Variants in CCSER2 observed in about 807,000 individuals in gnomAD.
The protein encoded by CCSER2 is serine-rich coiled-coil domain-containing protein 2.
Under a neutral mutation model 92.3 loss-of-function variants are expected in CCSER2, and 46 were observed. The observed-to-expected ratio is 0.50, with a 90% confidence interval of 0.39 to 0.64. The LOEUF is 0.64. Among genes scored for constraint, CCSER2 ranks in the 30% least tolerant of loss-of-function variants. The pLI is 0.00. For missense variants in CCSER2, 1,244 were observed against 1,238.9 expected, an observed-to-expected ratio of 1.00 and a Z score of -0.06; for synonymous variants, 433 against 431.4, an observed-to-expected ratio of 1.00 and a Z score of -0.04.
intron 9 of CCSER2, among the ~76,000 whole-genome samples, chr10:84,497,497 G>C (rs2131827740): frequency 6.6e-6 from 1 of 152,256 alleles, no homozygotes; most frequent in African/African-American, 2.4e-5. Context: ...GTTGGTCTTG[G>C]GGAAATAAAG....
intron 1 of CCSER2, among the ~76,000 whole-genome samples, chr10:84,348,678 A>G (rs890711822): frequency 4.6e-5 from 7 of 152,144 alleles, no homozygotes; most frequent in Admixed American, 2.0e-4. Flanking sequence ...AGGTGAGTTT[A>G]AAGGAATTTG....
chr10:84,330,769 G>C (rs1843522605), intron 1 of CCSER2, among the ~76,000 whole-genome samples: 1 of 152,098 alleles, frequency 6.6e-6, no homozygotes, highest in Non-Finnish European at 1.5e-5. Flanking sequence ...GCCTCCCAAA[G>C]TGCTGGGATT....
At chr10:84,498,452 T>C (rs12049645) in intron 9 of CCSER2, among the ~76,000 whole-genome samples, 53,861 of 151,442 alleles carry the variant, frequency 0.36, 11,392 homozygotes, top group East Asian at 0.5. Context: ...CTTTTTTTTT[T>C]CCCTTCATCA....
In CCSER2 at chr10:84,425,745, A is replaced by G; in HGVS notation, c.1720A>G (p.Met574Val). Residue 574 changes from methionine (M) to valine (V), a missense_variant, in exon 5 of 10, where the codon ATG becomes GTG. Coordinates refer to ENST00000372088, the MANE Select transcript of CCSER2 (RefSeq NM_001284240.2). ...APLENVECDNMNRFDRPDRNV... is the reference protein window; with the variant it reads ...APLENVECDNVNRFDRPDRNV... ...AATCTGTCTAGTGGAGTGTGACAAT[A>G]TGAACCGCTTTGACCGACCAGACAG... 3 of 1,610,042 alleles carry G rather than the reference A, an allele frequency of 1.9e-6. No homozygotes were observed. The highest frequency in any genetic ancestry group is 2.2e-5 in the South Asian group (2 of 90,484).
intron 3 of CCSER2, among the ~76,000 whole-genome samples, chr10:84,393,292 T>C (rs962073821): frequency 6.6e-6 from 1 of 152,184 alleles, no homozygotes; most frequent in African/African-American, 2.4e-5. Flanking sequence ...GCTTTCTGCA[T>C]GGTTATATAC....
At chr10:84,398,029 A>G (rs1211377204) in intron 3 of CCSER2, among the ~76,000 whole-genome samples, 1 of 152,206 alleles carries the variant, frequency 6.6e-6, no homozygotes, top group Admixed American at 6.5e-5. Flanking sequence ...GGCTTAAAAC[A>G]ACACACTGTT....
chr10:84,370,361 T>C (rs1200233901), intron 1 of CCSER2, among the ~76,000 whole-genome samples: 1 of 152,130 alleles, frequency 6.6e-6, no homozygotes, highest in Non-Finnish European at 1.5e-5. Context: ...TGGTTAAGTA[T>C]ACCTAGGTAT....
At chr10:84,345,587 T>G (rs550633647) in intron 1 of CCSER2, among the ~76,000 whole-genome samples, 26 of 152,342 alleles carry the variant, frequency 1.7e-4, no homozygotes, top group African/African-American at 6.3e-4. Flanking sequence ...GATTAGATTT[T>G]AATTTGTTTA....
At position 84,501,862 on chromosome 10, in the gene CCSER2, C is replaced by CAT. The variant is rs561729632; in HGVS notation, c.2326-11574_2326-11573dup. Among the ~76,000 whole-genome samples, 103 of 69,412 alleles carry CAT rather than the reference C, an allele frequency of 1.5e-3. 3 individuals carry two copies. Among genetic ancestry groups the CAT allele is most frequent in the South Asian group, 2.7e-3 (5 of 1,870 alleles). The allele number at this position is 69,412 out of a possible 152,430, so 45.5% of individuals were successfully genotyped here. A position where few individuals can be genotyped will look rare whatever the true frequency, so the allele number is the denominator to read the frequency against. Reference sequence around the variant, plus strand: ...ATATATATATATATATATATATACTCATATATATATATATGAGTCTTTTCC... The same window carrying CAT: ...ATATATATATATATATATATATACTCATATATATATATATATGAGTCTTTTCC... On this transcript the variant is annotated intron_variant, in intron 9 of 9. Coordinates refer to ENST00000372088, the MANE Select transcript of CCSER2 (RefSeq NM_001284240.2).
At chr10:84,477,082 T>C (rs1345747859) in intron 8 of CCSER2, among the ~76,000 whole-genome samples, 1 of 152,190 alleles carries the variant, frequency 6.6e-6, no homozygotes, top group South Asian at 2.1e-4. Flanking sequence ...CATGACAGTT[T>C]AGGGAAATAC....
chr10:84,476,792 A>T (rs1277025604), intron 8 of CCSER2, among the ~76,000 whole-genome samples: 1 of 152,074 alleles, frequency 6.6e-6, no homozygotes, highest in East Asian at 1.9e-4. Context: ...GAAAGTGATG[A>T]TTATTTGGGA....
intron 1 of CCSER2, among the ~76,000 whole-genome samples, chr10:84,360,440 C>T (rs551554591): frequency 1.3e-4 from 20 of 152,254 alleles, no homozygotes; most frequent in African/African-American, 4.8e-4. Flanking sequence ...AATAAGTTGT[C>T]TTTGCAGTAA....
chr10:84,365,444 A>G lies in CCSER2; in HGVS notation c.-39-5570A>G, dbSNP rs539982417. On this transcript the variant is annotated intron_variant, in intron 1 of 9. Coordinates refer to ENST00000372088, the MANE Select transcript of CCSER2 (RefSeq NM_001284240.2). Reference sequence around the variant, plus strand: ...TGGTAGCTCATCAACGAATGAAGTGATAATATTCATAACGTAAACTTCATA... The same window carrying G: ...TGGTAGCTCATCAACGAATGAAGTGGTAATATTCATAACGTAAACTTCATA... 7.9e-5 allele frequency among the ~76,000 whole-genome samples: 12 copies of G among 152,364 alleles called. No individual in the cohort carries two copies. The East Asian group carries it at 1.2e-3, about 15-fold the overall frequency.
chr10:84,447,919 A>G (rs1001889928), intron 6 of CCSER2, among the ~76,000 whole-genome samples: 1 of 152,036 alleles, frequency 6.6e-6, no homozygotes, highest in African/African-American at 2.4e-5. Flanking sequence ...CGATCCTCCC[A>G]AGTAGCTGGG....
intron 1 of CCSER2, among the ~76,000 whole-genome samples, chr10:84,356,489 A>G (rs1845177620): frequency 6.6e-6 from 1 of 152,214 alleles, no homozygotes; most frequent in Non-Finnish European, 1.5e-5. Flanking sequence ...TACTGAGACT[A>G]AAACTGCGCT....
intron 9 of CCSER2, among the ~76,000 whole-genome samples, chr10:84,494,316 C>T (rs1848329622): frequency 6.6e-6 from 1 of 152,138 alleles, no homozygotes; most frequent in African/African-American, 2.4e-5. Context: ...ATATAATGAG[C>T]AGTAAGGATG....
intron 1 of CCSER2, among the ~76,000 whole-genome samples, chr10:84,330,424 G>C (rs1843499149): frequency 6.6e-6 from 1 of 152,172 alleles, no homozygotes. Flanking sequence ...CATCCCTCTT[G>C]TCTTAACTGA....
intron 9 of CCSER2, among the ~76,000 whole-genome samples, chr10:84,512,367 A>AGTGTGTGTGT (rs141667701): frequency 1.7e-4 from 24 of 139,742 alleles, no homozygotes; most frequent in African/African-American, 5.0e-4. Context: ...TTATTTAAAC[A>AGTGTGTGTGT]GTGTGTGTGT....
intron 7 of CCSER2, among the ~76,000 whole-genome samples, 170 bp from the exon 8 acceptor site, chr10:84,470,202 G>A (rs970112379): frequency 2.0e-5 from 3 of 151,550 alleles, no homozygotes; most frequent in Non-Finnish European, 4.4e-5. Flanking sequence ...ATTGCTCATT[G>A]TCAACATGTC....
Sources: gnomAD v4.1 joint callset for allele counts (sites outside exome capture counted in the v4.1 genomes callset) on GRCh38, gnomAD v4.1.1 for gene constraint, MANE v1.5 for transcripts, NCBI Gene and HGNC (gene_info 2026-07-23, HGNC 2026-07-21) for gene names.